The following SEPTIN9 variants were observed in gnomAD, a reference collection of about 807,000 sequenced individuals.
SEPTIN9 encodes the protein septin-9.
Under a neutral mutation model 56.6 loss-of-function variants are expected in SEPTIN9, and 13 were observed. The ratio of observed to expected loss-of-function variants is 0.23; its 90% confidence interval spans 0.15 to 0.37. The LOEUF is 0.37. SEPTIN9 is among the 10% of genes least tolerant of loss of function. SEPTIN9 has a pLI of 1.00. For missense variants in SEPTIN9, 650 were observed against 823.1 expected (o/e 0.79, Z 2.57); for synonymous variants, 332 against 334.1 (o/e 0.99, Z 0.07).
chr17:77,363,168 C>T (rs1353870066), intron 2 of SEPTIN9, among the ~76,000 whole-genome samples: 1 of 152,226 alleles, frequency 6.6e-6, no homozygotes, highest in Non-Finnish European at 1.5e-5. Context: ...ATCCCACCAA[C>T]AGCCGGGAGT....
intron 2 of SEPTIN9, among the ~76,000 whole-genome samples, chr17:77,378,524 T>C (rs2143949504): frequency 6.6e-6 from 1 of 152,146 alleles, no homozygotes; most frequent in East Asian, 1.9e-4. Context: ...AAAGGGGGCA[T>C]TTGCAAAGGA....
At chr17:77,443,026 G>A (rs1205608289) in intron 3 of SEPTIN9, among the ~76,000 whole-genome samples, 1 of 152,110 alleles carries the variant, frequency 6.6e-6, no homozygotes, top group Non-Finnish European at 1.5e-5. Context: ...CATCTTCCAG[G>A]GAAGAGTCAG....
intron 1 of SEPTIN9, chr17:77,286,313 C>T (rs1460099751): frequency 6.6e-6 from 1 of 152,376 alleles, no homozygotes; most frequent in Non-Finnish European, 1.5e-5. Flanking sequence ...CGTCAGATCT[C>T]CCCGGCCTGC....
chr17:77,309,081 C>G (rs916948931), intron 2 of SEPTIN9, among the ~76,000 whole-genome samples: 1 of 152,246 alleles, frequency 6.6e-6, no homozygotes, highest in East Asian at 1.9e-4. Flanking sequence ...TGATCTGCCT[C>G]TCCATCTCCT....
chr17:77,445,584 C>T lies in SEPTIN9; in HGVS notation c.722-36560C>T, dbSNP rs1412476413. 7.9e-6 allele frequency: 3 copies of T among 377,724 alleles called. No individual in the cohort carries two copies. Among genetic ancestry groups the T allele is most frequent in the African/African-American group, 4.3e-5 (2 of 47,010 alleles). The allele number at this position is 377,724 out of a possible 1,614,324, so 23.4% of individuals were successfully genotyped here. A position where few individuals can be genotyped will look rare whatever the true frequency, so the allele number is the denominator to read the frequency against. ...AGGGAGGAAGCTGTGAAACCACATCCCCTCCTCTCTGCTGCTGTGTTGCTG... is the reference window on the plus strand; with the variant it reads ...AGGGAGGAAGCTGTGAAACCACATCTCCTCCTCTCTGCTGCTGTGTTGCTG... On this transcript the variant is annotated intron_variant, in intron 3 of 11. Transcript: ENST00000427177. This position sits in a 1 kb window ranked among gnomAD's most constrained non-coding sequence, Gnocchi z 4.7.
chr17:77,404,979 T>G, intron 3 of SEPTIN9: 1 of 1,090,796 alleles, frequency 9.2e-7, no homozygotes, highest in Non-Finnish European at 1.3e-6. Flanking sequence ...TGCAGGACCT[T>G]TGTTTGACGT....
rs562647995 is a variant in SEPTIN9 at position 77,484,399 on chromosome 17, CAG to C, written c.913+2065_913+2066del. Among the ~76,000 whole-genome samples the C allele has an allele frequency of 1.9e-4, 19 of 99,248 alleles. No individual in the cohort carries two copies. In the East Asian group the frequency reaches 6.2e-3, roughly 32 times the overall value. 65.1% of individuals were successfully genotyped at this position (99,248 alleles called of 152,430 possible). On this transcript the variant is annotated intron_variant, in intron 4 of 11. Coordinates refer to ENST00000427177, the MANE Select transcript of SEPTIN9 (RefSeq NM_001113491.2). Reference sequence around the variant, plus strand: ...GGGATGGTGGTGGTGGTGATGGTGACAGTGGTGGGATGGTAGTGATGATGTGG... The same window carrying C: ...GGGATGGTGGTGGTGGTGATGGTGACTGGTGGGATGGTAGTGATGATGTGG...
rs557773700 is a variant in SEPTIN9, at chr17:77,317,492, A to C, written c.76+10295A>C. ...GAGTGAACCGTATTGTGAACGGCACATGTGAGGGATCTAGGTTGCGTGCTT... is the reference window on the plus strand; with the variant it reads ...GAGTGAACCGTATTGTGAACGGCACCTGTGAGGGATCTAGGTTGCGTGCTT... On this transcript the variant is annotated intron_variant, in intron 2 of 11. Transcript: ENST00000427177. This position sits in a 1 kb window ranked among gnomAD's most constrained non-coding sequence, Gnocchi z 4.2. Among the ~76,000 whole-genome samples the C allele has an allele frequency of 6.6e-6, 1 of 152,328 alleles. No individual in the cohort carries two copies. Among genetic ancestry groups the C allele is most frequent in the South Asian group, 2.1e-4 (1 of 4,824 alleles).
chr17:77,331,103 C>G (rs1218985924), intron 2 of SEPTIN9, among the ~76,000 whole-genome samples: 1 of 152,156 alleles, frequency 6.6e-6, no homozygotes. Flanking sequence ...ACCTGCAATC[C>G]CAGAACTTTG....
chr17:77,373,023 T>C (rs2034771173), intron 2 of SEPTIN9, among the ~76,000 whole-genome samples: 2 of 151,770 alleles, frequency 1.3e-5, no homozygotes, highest in South Asian at 4.2e-4. Flanking sequence ...CTCCTCGCCA[T>C]GGCCCGGCCT....
rs1411138744 is a variant in SEPTIN9 at position 77,450,482 on chromosome 17, G to C, written c.722-31662G>C. The C allele has an allele frequency of 1.0e-6, 1 of 985,314 alleles. No homozygotes were observed. The highest frequency in any genetic ancestry group is 4.7e-5 in the South Asian group (1 of 21,298). The allele number at this position is 985,314 out of a possible 1,614,324, so 61.0% of individuals were successfully genotyped here. The stretch of plus-strand genomic sequence containing the variant: ...GCCCTCGGAACGAGCCCACTCCCAG[G>C]CGCTCTCTCCTAGTGTGGGAGTGGC... On this transcript the variant is annotated intron_variant, in intron 3 of 11. Coordinates refer to ENST00000427177, the MANE Select transcript of SEPTIN9 (RefSeq NM_001113491.2). This position sits in a 1 kb window ranked among gnomAD's most constrained non-coding sequence, Gnocchi z 6.0.
At chr17:77,328,524 C>T (rs2033232046) in intron 2 of SEPTIN9, among the ~76,000 whole-genome samples, 1 of 152,186 alleles carries the variant, frequency 6.6e-6, no homozygotes, top group Non-Finnish European at 1.5e-5. Context: ...CGCCACCATG[C>T]CTGGTTAATT....
intron 2 of SEPTIN9, among the ~76,000 whole-genome samples, chr17:77,345,398 C>T (rs561789150): frequency 1.9e-4 from 29 of 152,304 alleles, no homozygotes; most frequent in African/African-American, 6.0e-4. Context: ...ACCAAGAACT[C>T]GGAGCGTCCT....
intron 4 of SEPTIN9, among the ~76,000 whole-genome samples, chr17:77,484,806 T>C (rs2039641907): frequency 9.4e-6 from 1 of 105,960 alleles, no homozygotes; most frequent in Non-Finnish European, 1.9e-5. Context: ...ATGTGGGTGG[T>C]GGTGGTGATT....
At chr17:77,398,502 G>A (rs185708032) in intron 2 of SEPTIN9, among the ~76,000 whole-genome samples, 1 of 152,170 alleles carries the variant, frequency 6.6e-6, no homozygotes, top group Non-Finnish European at 1.5e-5. Flanking sequence ...TTCCCAAGAG[G>A]AGGAGGAGGC....
At chr17:77,473,762 C>T (rs997431328) in intron 3 of SEPTIN9, among the ~76,000 whole-genome samples, 4 of 152,176 alleles carry the variant, frequency 2.6e-5, no homozygotes, top group Non-Finnish European at 5.9e-5. Context: ...TCCCATGTGC[C>T]ACCACTGTTT....
chr17:77,300,283 TCTC>T (rs2143560651), intron 1 of SEPTIN9, among the ~76,000 whole-genome samples: 1 of 152,228 alleles, frequency 6.6e-6, no homozygotes, highest in Admixed American at 6.5e-5. Flanking sequence ...CAGTGTTTAT[TCTC>T]CTGTAGGAGC....
intron 7 of SEPTIN9, 116 bp from the exon 8 acceptor site, chr17:77,490,626 G>A (rs565450008): frequency 2.3e-4 from 184 of 798,210 alleles, no homozygotes; most frequent in Admixed American, 1.2e-3. Context: ...CTTGCCAGCA[G>A]GGACCCCCGT....
chr17:77,453,374 G>A lies in SEPTIN9; in HGVS notation c.722-28770G>A, dbSNP rs868256673. On this transcript the variant is annotated intron_variant, in intron 3 of 11. Transcript: ENST00000427177. This position sits in a 1 kb window ranked among gnomAD's most constrained non-coding sequence, Gnocchi z 4.4. ...TAATCCCAACACTTCAGGAGGCCAA[G>A]GCAGGCAGATCACCTGAGGTCAAGA... Among the ~76,000 whole-genome samples, 12 of 152,334 alleles carry A rather than the reference G, an allele frequency of 7.9e-5. No homozygotes were observed. Among genetic ancestry groups the A allele is most frequent in the African/African-American group, 1.7e-4 (7 of 41,568 alleles).
Sources: gnomAD v4.1 joint callset for allele counts (sites outside exome capture counted in the v4.1 genomes callset) on GRCh38, gnomAD v4.1.1 for gene constraint, Gnocchi (gnomAD v3.1) non-coding constraint, MANE v1.5 for transcripts, NCBI Gene and HGNC (gene_info 2026-07-23, HGNC 2026-07-21) for gene names.